The following SART1 variants were observed in gnomAD, a reference collection of about 807,000 sequenced individuals.
The protein encoded by SART1 is spliceosome associated factor 1, recruiter of U4/U6.U5 tri-snRNP.
A neutral mutation model predicts 105.0 loss-of-function variants in SART1; 28 were observed. That is an observed-to-expected ratio of 0.27 (90% confidence interval 0.20 to 0.37). SART1 has a LOEUF of 0.37. Ranked by LOEUF, SART1 falls within the 10% of genes least tolerant of loss-of-function variation. The pLI, the probability that SART1 is intolerant of heterozygous loss-of-function variation, is 1.00. For synonymous variants in SART1, 472 were observed against 462.9 expected (o/e 1.02, Z -0.25); for missense variants, 894 against 1,106.5 (o/e 0.81, Z 2.72).
rs1590646302 is a variant in SART1, at chr11:65,978,001, T to C, written c.2172+102T>C. Reference sequence around the variant, plus strand: ...CCATGCAATGCCCCAGGGTCCTGGCTCCACCAGCCTCTGGCTGGGGGCCTG... The same window carrying C: ...CCATGCAATGCCCCAGGGTCCTGGCCCCACCAGCCTCTGGCTGGGGGCCTG... On this transcript the variant is annotated intron_variant, in intron 17 of 19. Coordinates refer to ENST00000312397, the MANE Select transcript of SART1 (RefSeq NM_005146.5). The surrounding 1 kb of genome is among the most constrained non-coding windows in gnomAD (Gnocchi z 6.8). 7.7e-7 allele frequency: 1 copy of C among 1,294,026 alleles called. No homozygotes were observed. Among genetic ancestry groups the C allele is most frequent in the Non-Finnish European group, 1.1e-6 (1 of 940,368 alleles). 80.2% of individuals were successfully genotyped at this position (1,294,026 alleles called of 1,614,324 possible). A position where few individuals can be genotyped will look rare whatever the true frequency, so the allele number is the denominator to read the frequency against.
intron 12 of SART1, among the ~76,000 whole-genome samples, chr11:65,971,785 T>C (rs1002203747): frequency 1.3e-4 from 19 of 151,996 alleles, no homozygotes; most frequent in African/African-American, 4.4e-4. Flanking sequence ...AACTGGGTAA[T>C]GAGGGACATA....
rs1855201211 is a variant in SART1, at chr11:65,964,145, C to T, written c.371+14C>T. 6.2e-7 allele frequency: 1 copy of T among 1,611,648 alleles called. No homozygotes were observed. On this transcript the variant is annotated intron_variant, in intron 2 of 19. Transcript: ENST00000312397. The stretch of plus-strand genomic sequence containing the variant: ...CGAGGAGACTAAGTGAGTACTGTCT[C>T]CCTTGTTTCTACTTTGTTTTTCTAA...
At chr11:65,969,531 C>T (rs1219322183) in intron 12 of SART1, among the ~76,000 whole-genome samples, 2 of 152,162 alleles carry the variant, frequency 1.3e-5, no homozygotes, top group Non-Finnish European at 2.9e-5. Context: ...TTCACTGCAG[C>T]CTTGAACTCC....
intron 2 of SART1, 177 bp downstream of exon 2, chr11:65,964,308 G>T: frequency 1.2e-6 from 1 of 820,630 alleles, no homozygotes; most frequent in Non-Finnish European, 2.0e-6. Flanking sequence ...GAGTAAAGTG[G>T]CATTCACTGG....
At chr11:65,975,207 A>G (rs1855457861) in intron 12 of SART1, among the ~76,000 whole-genome samples, 1 of 150,836 alleles carries the variant, frequency 6.6e-6, no homozygotes, top group Admixed American at 6.6e-5. Flanking sequence ...GGCTCAAGCA[A>G]TCCACCCACC....
chr11:65,965,664 T>A (rs1473827374), intron 5 of SART1, 38 bp from the exon 6 acceptor site: 1 of 1,590,366 alleles, frequency 6.3e-7, no homozygotes, highest in Non-Finnish European at 8.6e-7. Flanking sequence ...TGATGCTGAG[T>A]GGCCTGAAGT....
In SART1 at chr11:65,978,011, T is replaced by A; in HGVS notation, c.2172+112T>A. 1.7e-6 allele frequency: 2 copies of A among 1,199,078 alleles called. No individual in the cohort carries two copies. Among genetic ancestry groups the A allele is most frequent in the Non-Finnish European group, 2.3e-6 (2 of 858,982 alleles). The allele number at this position is 1,199,078 out of a possible 1,614,324, so 74.3% of individuals were successfully genotyped here. ...CCCCAGGGTCCTGGCTCCACCAGCC[T>A]CTGGCTGGGGGCCTGGTGAATGCCA... On this transcript the variant is annotated intron_variant, in intron 17 of 19. Transcript: ENST00000312397. The surrounding 1 kb of genome is among the most constrained non-coding windows in gnomAD (Gnocchi z 6.8).
intron 2 of SART1, 122 bp downstream of exon 2, chr11:65,964,253 A>G (rs1239174606): frequency 1.6e-5 from 15 of 962,876 alleles, no homozygotes; most frequent in Non-Finnish European, 2.3e-5. Context: ...TGTTTAAATC[A>G]TCTTAGCCAA....
At chr11:65,972,049 G>T (rs757681135) in intron 12 of SART1, among the ~76,000 whole-genome samples, 2 of 152,028 alleles carry the variant, frequency 1.3e-5, no homozygotes, top group East Asian at 3.9e-4. Context: ...GTCATTGGGG[G>T]TTAGGGCTTC....
At chr11:65,973,199 GTTT>G (rs1221597875) in intron 12 of SART1, among the ~76,000 whole-genome samples, 1 of 151,930 alleles carries the variant, frequency 6.6e-6, no homozygotes, top group Non-Finnish European at 1.5e-5. Flanking sequence ...GAGAACGTAA[GTTT>G]TTTGTTTTTT....
chr11:65,976,461 C>A lies in SART1; in HGVS notation c.1639C>A (p.Arg547=), dbSNP rs149897859. The change falls in exon 13 of 20, where the codon CGG becomes AGG. Residue 547 remains arginine (R), a synonymous_variant. Coordinates refer to ENST00000312397, the MANE Select transcript of SART1 (RefSeq NM_005146.5). This position sits in a 1 kb window ranked among gnomAD's most constrained non-coding sequence, Gnocchi z 5.1. ...CTGGGAGGAGGATGAGGATCCCGAGCGGAAGGGGGCCATCGTGTTCAACGC... is the reference window on the plus strand; with the variant it reads ...CTGGGAGGAGGATGAGGATCCCGAGAGGAAGGGGGCCATCGTGTTCAACGC... ...RGWEEDEDPE[R]KGAIVFNATS... 5 of 1,570,016 alleles carry A rather than the reference C, an allele frequency of 3.2e-6. No individual in the cohort carries two copies. Among genetic ancestry groups the A allele is most frequent in the Non-Finnish European group, 4.3e-6 (5 of 1,159,494 alleles).
At chr11:65,974,409 G>A (rs1855442733) in intron 12 of SART1, among the ~76,000 whole-genome samples, 1 of 150,916 alleles carries the variant, frequency 6.6e-6, no homozygotes, top group African/African-American at 2.4e-5. Context: ...AGCCGGGTGT[G>A]GTGGTTCACA....
At chr11:65,969,747 G>A (rs536709409) in intron 12 of SART1, among the ~76,000 whole-genome samples, 23 of 151,734 alleles carry the variant, frequency 1.5e-4, no homozygotes, top group African/African-American at 5.3e-4. Flanking sequence ...TGTTTGAGAC[G>A]GAGTCTCGCT....
chr11:65,961,774 T>G lies in SART1; in HGVS notation c.-7T>G. 1 of 1,503,880 alleles carries G rather than the reference T, an allele frequency of 6.6e-7. No individual in the cohort carries two copies. Among genetic ancestry groups the G allele is most frequent in the Non-Finnish European group, 8.8e-7 (1 of 1,133,970 alleles). 93.2% of individuals were successfully genotyped at this position (1,503,880 alleles called of 1,614,324 possible). ...GCGGCAGCCGGGCTCGGAGTGGACG[T>G]GCCACTATGGGGTCGTCCAAGAAGC... On this transcript the variant is annotated 5_prime_UTR_variant, in exon 1 of 20. Coordinates refer to ENST00000312397, the MANE Select transcript of SART1 (RefSeq NM_005146.5).
At chr11:65,970,354 T>C (rs572408252) in intron 12 of SART1, among the ~76,000 whole-genome samples, 1 of 152,280 alleles carries the variant, frequency 6.6e-6, no homozygotes, top group Non-Finnish European at 1.5e-5. Context: ...AGTTTTTTGT[T>C]GTAAGCAGCA....
chr11:65,964,475 G>A (rs769274713), intron 2 of SART1, 40 bp from the exon 3 acceptor site: 1 of 1,610,702 alleles, frequency 6.2e-7, no homozygotes, highest in Admixed American at 1.7e-5. Context: ...GGCACCCTGT[G>A]TCTTTAATAG....
chr11:65,977,265 C>G (rs1256181556), intron 15 of SART1, among the ~76,000 whole-genome samples, 164 bp downstream of exon 15: 1 of 152,204 alleles, frequency 6.6e-6, no homozygotes, highest in Admixed American at 6.5e-5. Context: ...GGCATCTGTC[C>G]GTCTGCTCTG....
At chr11:65,965,597 T>A in intron 5 of SART1, 105 bp from the exon 6 acceptor site, 1 of 1,351,214 alleles carries the variant, frequency 7.4e-7, no homozygotes, top group Non-Finnish European at 1.0e-6. Flanking sequence ...TCAGCAGCTT[T>A]CCTGCAAGGC....
At chr11:65,972,120 A>G (rs1855391161) in intron 12 of SART1, among the ~76,000 whole-genome samples, 1 of 152,118 alleles carries the variant, frequency 6.6e-6, no homozygotes, top group South Asian at 2.1e-4. Context: ...CAAGATGTCC[A>G]TCTCATGTAG....
Sources: allele counts gnomAD v4.1 joint callset (sites outside exome capture counted in the v4.1 genomes callset), GRCh38; gene constraint gnomAD v4.1.1; non-coding constraint Gnocchi (gnomAD v3.1); transcripts MANE v1.5; gene names NCBI Gene and HGNC (gene_info 2026-07-23, HGNC 2026-07-21).